Variants in BBOF1 observed in about 807,000 individuals in gnomAD.
BBOF1 encodes the protein basal body-orientation factor 1.
In BBOF1, 62 loss-of-function variants were observed where a neutral mutation model predicts 68.0. The observed-to-expected ratio is 0.91, with a 90% confidence interval of 0.74 to 1.13. The LOEUF is 1.13. Ranked by LOEUF, BBOF1 falls within the 50% of genes most tolerant of loss-of-function variation. The probability of loss-of-function intolerance (pLI) is 0.00; values close to 1 mark genes in which losing one functional copy is unlikely to be tolerated. For synonymous variants in BBOF1, 208 were observed against 198.8 expected (o/e 1.05, Z -0.39); for missense variants, 534 against 600.1 (o/e 0.89, Z 1.15).
At chr14:74,025,913 GT>G (rs1275255574) in intron 2 of BBOF1, among the ~76,000 whole-genome samples, 1 of 150,876 alleles carries the variant, frequency 6.6e-6, no homozygotes, top group African/African-American at 2.4e-5. Context: ...GGTGGGGGGG[GT>G]GCATCACATG....
Position 74,030,740 on chromosome 14 carries a change from G to A in BBOF1, c.351+1491G>A, listed in dbSNP as rs532450116. ...TCTCGATCTCCTGACCTCATGATCC[G>A]CCCGCCTTGGCCTCCCAAAGTGCTG... On this transcript the variant is annotated intron_variant, in intron 3 of 11. Coordinates refer to ENST00000394009, the MANE Select transcript of BBOF1 (RefSeq NM_025057.3). Among the ~76,000 whole-genome samples the A allele has an allele frequency of 7.9e-5, 12 of 151,800 alleles. No homozygotes were observed. In the South Asian group the frequency reaches 2.1e-3, roughly 26 times the overall value.
chr14:74,065,156 T>C lies in BBOF1; in HGVS notation c.*457T>C, dbSNP rs776425580. 6.2e-6 allele frequency: 10 copies of C among 1,612,438 alleles called. No homozygotes were observed. The highest frequency in any genetic ancestry group is 1.6e-4 in the Middle Eastern group (1 of 6,062). ...AGGAAATAGTAAATGGATATAAGAA[T>C]CTCTTAAAAATTCTGTTCACGAACC... is the stretch of plus-strand genomic sequence containing the variant. On this transcript the variant is annotated 3_prime_UTR_variant, in exon 12 of 12. Coordinates refer to ENST00000394009, the MANE Select transcript of BBOF1 (RefSeq NM_025057.3).
In BBOF1 at chr14:74,057,196, T is replaced by A; in HGVS notation, c.1516T>A (p.Ser506Thr). ...KIFITQQIAI[S>T]DSSGEVVLPT... ...CTTCATCACCCAGCAAATTGCAATA[T>A]CAGACTCTTCTGGTGAAGTGGTGCT... is the stretch of plus-strand genomic sequence containing the variant. The change falls in exon 11 of 12, where the codon TCA becomes ACA. Residue 506 changes from serine to threonine, a missense_variant. By Grantham distance (58) the Ser-to-Thr change is moderately conservative. Transcript: ENST00000394009. 3 of 1,614,040 alleles carry A rather than the reference T, an allele frequency of 1.9e-6. No homozygotes were observed. Among genetic ancestry groups the A allele is most frequent in the Non-Finnish European group, 2.5e-6 (3 of 1,179,924 alleles).
chr14:74,048,202 C>A, intron 7 of BBOF1, 128 bp downstream of exon 7: 1 of 813,712 alleles, frequency 1.2e-6, no homozygotes, highest in Non-Finnish European at 1.9e-6. Context: ...CTGGATGATG[C>A]ACTTTTTTTA....
rs2059506310 is a variant in BBOF1 at position 74,029,206 on chromosome 14, T to G, written c.308T>G (p.Leu103Ter). The G allele has an allele frequency of 1.3e-6, 2 of 1,562,126 alleles. No individual in the cohort carries two copies. Among genetic ancestry groups the G allele is most frequent in the South Asian group, 2.4e-5 (2 of 84,778 alleles). The change falls in exon 3 of 12, where the codon TTA becomes TGA. Residue 103 changes from leucine to a stop codon, truncating the protein, a stop_gained. Transcript: ENST00000394009. LOFTEE classifies it high-confidence loss of function. ...DNMIEKLKQQ[L>*]NETKEKAQEE... ...CAGATTGAAAAACTGAAACAGCAAT[T>G]AAATGAAACAAAGGAAAAAGCCCAA...
At chr14:74,036,826 A>G (rs942152460) in intron 4 of BBOF1, among the ~76,000 whole-genome samples, 4 of 152,000 alleles carry the variant, frequency 2.6e-5, no homozygotes, top group African/African-American at 9.7e-5. Context: ...ATCCACCTCC[A>G]TACTTCCTTT....
chr14:74,027,727 A>G (rs551417422), intron 2 of BBOF1, among the ~76,000 whole-genome samples: 3 of 152,222 alleles, frequency 2.0e-5, no homozygotes, highest in East Asian at 1.9e-4. Flanking sequence ...CTTAGGTACT[A>G]TATATAACCT....
In BBOF1 at chr14:74,019,393, C is replaced by T; in HGVS notation, c.-86C>T. On this transcript the variant is annotated 5_prime_UTR_variant, in exon 1 of 12. Transcript: ENST00000394009. Reference sequence around the variant, plus strand: ...CGGCGCGGGTGGGGCATTGCCAGCTCGGCGTCCCGGTTCCCTTGGAGACAG... The same window carrying T: ...CGGCGCGGGTGGGGCATTGCCAGCTTGGCGTCCCGGTTCCCTTGGAGACAG... The T allele has an allele frequency of 6.7e-7, 1 of 1,498,032 alleles. No homozygotes were observed. Among genetic ancestry groups the T allele is most frequent in the Non-Finnish European group, 8.9e-7 (1 of 1,119,210 alleles). The allele number at this position is 1,498,032 out of a possible 1,614,324, so 92.8% of individuals were successfully genotyped here.
At chr14:74,047,807 AAGCTAAATAGGTGGTAG>A (rs2059984212) in intron 6 of BBOF1, 106 bp from the exon 7 acceptor site, 1 of 796,188 alleles carries the variant, frequency 1.3e-6, no homozygotes, top group Non-Finnish European at 1.9e-6. Flanking sequence ...TACCCACCAT[AAGCTAAATAGGTGGTAG>A]TCACTATTGA....
chr14:74,072,311 A>G, intron 9 of BBOF1: 1 of 1,614,246 alleles, frequency 6.2e-7, no homozygotes, highest in Non-Finnish European at 8.5e-7. Flanking sequence ...CAATGGCTGC[A>G]TCCATTTCTG....
chr14:74,060,842 A>AT (rs2060323609), intron 11 of BBOF1: 2 of 857,430 alleles, frequency 2.3e-6, no homozygotes, highest in East Asian at 2.5e-5. Flanking sequence ...AGTGCTACTC[A>AT]CTTTCCTAAT....
intron 6 of BBOF1, among the ~76,000 whole-genome samples, chr14:74,047,550 C>T (rs1222154377): frequency 6.6e-6 from 1 of 152,042 alleles, no homozygotes; most frequent in African/African-American, 2.4e-5. Context: ...TCTCCTTCCT[C>T]AGCTTCCTGA....
At chr14:74,060,732 G>A (rs774921231) in intron 11 of BBOF1, 1 of 1,612,188 alleles carries the variant, frequency 6.2e-7, no homozygotes, top group Non-Finnish European at 8.5e-7. Flanking sequence ...TTAACTGAGT[G>A]TAGAATTGGA....
chr14:74,079,545 G>C (rs1323822090), intron 10 of BBOF1, among the ~76,000 whole-genome samples: 2 of 151,216 alleles, frequency 1.3e-5, no homozygotes, highest in African/African-American at 2.4e-5. Context: ...ACCTTCTCCT[G>C]CCTCAGCCTC....
rs1341023954 is a variant in BBOF1, at chr14:74,064,899, G to C, written c.*200G>C. On this transcript the variant is annotated 3_prime_UTR_variant, in exon 12 of 12. Transcript: ENST00000394009. Reference sequence around the variant, plus strand: ...AATGAGAACATTGGCAAAGGCACTGGAATGGGGACATTCACTCCCACCTAA... The same window carrying C: ...AATGAGAACATTGGCAAAGGCACTGCAATGGGGACATTCACTCCCACCTAA... The C allele has an allele frequency of 6.2e-7, 1 of 1,613,982 alleles. No homozygotes were observed. Among genetic ancestry groups the C allele is most frequent in the Non-Finnish European group, 8.5e-7 (1 of 1,179,934 alleles).
chr14:74,032,122 T>A (rs929086372), intron 3 of BBOF1, among the ~76,000 whole-genome samples: 17 of 120,952 alleles, frequency 1.4e-4, no homozygotes, highest in East Asian at 3.0e-4. Flanking sequence ...AAGTTGATTT[T>A]TTTTTTTTTT....
chr14:74,035,877 A>G (rs1022569452), intron 4 of BBOF1, among the ~76,000 whole-genome samples: 2 of 152,004 alleles, frequency 1.3e-5, no homozygotes, highest in Admixed American at 6.6e-5. Flanking sequence ...TACTTCCACC[A>G]TATTTTATTA....
Position 74,029,166 on chromosome 14 carries a change from T to C in BBOF1, c.286-18T>C. Reference sequence around the variant, plus strand: ...CAGTTTCTTTATCTTCATGACCCTGTATTTTGATTTTCAACAGATTGAAAA... The same window carrying C: ...CAGTTTCTTTATCTTCATGACCCTGCATTTTGATTTTCAACAGATTGAAAA... On this transcript the variant is annotated intron_variant, in intron 2 of 11. Coordinates refer to ENST00000394009, the MANE Select transcript of BBOF1 (RefSeq NM_025057.3). 6.6e-7 allele frequency: 1 copy of C among 1,506,356 alleles called. No homozygotes were observed. 93.3% of individuals were successfully genotyped at this position (1,506,356 alleles called of 1,614,324 possible).
At chr14:74,068,114 G>C (rs908359664), downstream of BBOF1, among the ~76,000 whole-genome samples, 6 of 152,022 alleles carry the variant, frequency 3.9e-5, no homozygotes, top group Admixed American at 2.6e-4. Flanking sequence ...GCCAGGCATG[G>C]TGGCTCATGC....
Sources: gnomAD v4.1 joint callset for allele counts (sites outside exome capture counted in the v4.1 genomes callset) on GRCh38, gnomAD v4.1.1 for gene constraint, MANE v1.5 for transcripts, NCBI Gene and HGNC (gene_info 2026-07-23, HGNC 2026-07-21) for gene names.